Variants in NDUFA10 observed in about 807,000 individuals in gnomAD.
NDUFA10 encodes the protein NADH:ubiquinone oxidoreductase subunit A10.
In NDUFA10, 40 loss-of-function variants were observed where a neutral mutation model predicts 47.8. That is an observed-to-expected ratio of 0.84 (90% CI 0.65 to 1.09). The LOEUF (loss-of-function observed/expected upper bound fraction) is 1.09, where lower values mean the gene tolerates loss of function less well. Ranked by LOEUF, NDUFA10 falls within the 50% of genes least tolerant of loss-of-function variation. The pLI, the probability that NDUFA10 is intolerant of heterozygous loss-of-function variation, is 0.00. For synonymous variants in NDUFA10, 183 were observed against 172.2 expected (o/e 1.06, Z -0.49); for missense variants, 413 against 451.1 (o/e 0.92, Z 0.76).
At chr2:239,969,625 G>A in intron 9 of NDUFA10, 2 of 470,988 alleles carry the variant, frequency 4.2e-6, no homozygotes, top group Non-Finnish European at 8.8e-6. Flanking sequence ...CTTTCTTCCT[G>A]TCTCTTGTCA....
At chr2:239,916,336 C>G (rs530650295) in intron 4 of NDUFA10, among the ~76,000 whole-genome samples, 3 of 150,786 alleles carry the variant, frequency 2.0e-5, no homozygotes, top group Non-Finnish European at 2.9e-5. Flanking sequence ...TACACACATG[C>G]ACAGAACACA....
chr2:240,008,220 G>A (rs555943358), intron 6 of NDUFA10, among the ~76,000 whole-genome samples: 36 of 152,232 alleles, frequency 2.4e-4, no homozygotes, highest in Non-Finnish European at 4.9e-4. Context: ...TTCCACACAA[G>A]TCTATAACTC....
chr2:240,011,801 C>G, intron 5 of NDUFA10, 105 bp from the exon 6 acceptor site: 1 of 985,612 alleles, frequency 1.0e-6, no homozygotes, highest in Non-Finnish European at 1.6e-6. Context: ...CATTTTCTTA[C>G]AACTCACACC....
intron 4 of NDUFA10, among the ~76,000 whole-genome samples, chr2:239,905,367 A>G (rs76627750): frequency 0.032 from 4,853 of 152,300 alleles, 241 homozygotes; most frequent in African/African-American, 0.1. Context: ...TCTAGGTTCC[A>G]GGGATTTCCA....
intron 9 of NDUFA10, among the ~76,000 whole-genome samples, chr2:239,962,210 TACACACACAC>T (rs59356951): frequency 2.7e-5 from 4 of 149,544 alleles, no homozygotes; most frequent in Non-Finnish European, 4.5e-5. Context: ...TCAATTTGTG[TACACACACAC>T]ACACACACAC....
chr2:239,894,458 C>T (rs1574758140), intron 5 of NDUFA10, among the ~76,000 whole-genome samples: 2 of 150,816 alleles, frequency 1.3e-5, no homozygotes, highest in South Asian at 4.2e-4. Flanking sequence ...AGGATGAGAG[C>T]CTTGCAAGTT....
intron 8 of NDUFA10, among the ~76,000 whole-genome samples, chr2:239,990,421 A>G (rs1356451668): frequency 2.6e-5 from 4 of 152,250 alleles, no homozygotes; most frequent in Admixed American, 2.6e-4. Context: ...TAAAAGCCTC[A>G]GTACCTACAT....
At chr2:240,014,687 T>G (rs566271718) in intron 5 of NDUFA10, 52 bp downstream of exon 5, 1 of 1,613,050 alleles carries the variant, frequency 6.2e-7, no homozygotes, top group African/African-American at 1.3e-5. Context: ...CTTTTAGTGC[T>G]GATCTACATT....
chr2:239,909,399 T>C (rs532588400), intron 4 of NDUFA10, among the ~76,000 whole-genome samples: 1 of 152,052 alleles, frequency 6.6e-6, no homozygotes, highest in African/African-American at 2.4e-5. Flanking sequence ...GATCACGAGG[T>C]CAGGAGTTCG....
chr2:239,904,655 G>T (rs948540899), intron 4 of NDUFA10, among the ~76,000 whole-genome samples: 7 of 152,184 alleles, frequency 4.6e-5, no homozygotes, highest in African/African-American at 1.4e-4. Context: ...TAGGCACGGT[G>T]CCCTCAGACC....
chr2:239,964,070 G>A (rs1694962964), intron 9 of NDUFA10, among the ~76,000 whole-genome samples: 1 of 152,216 alleles, frequency 6.6e-6, no homozygotes, highest in Non-Finnish European at 1.5e-5. Flanking sequence ...GTCTATGCCT[G>A]CACGCCCATG....
At chr2:239,961,261 A>G in intron 9 of NDUFA10, 75 bp from the exon 10 acceptor site, 1 of 1,608,852 alleles carries the variant, frequency 6.2e-7, no homozygotes, top group South Asian at 1.1e-5. Context: ...TTCAATGTCT[A>G]CCCGGCAGAT....
chr2:239,975,779 G>A (rs1042163303), intron 9 of NDUFA10, among the ~76,000 whole-genome samples: 8 of 151,754 alleles, frequency 5.3e-5, no homozygotes, highest in African/African-American at 1.2e-4. Flanking sequence ...TCCCCACCTC[G>A]CAGGCCATGG....
chr2:239,967,979 T>TACACACACACACACACACAC (rs61166045), intron 9 of NDUFA10, among the ~76,000 whole-genome samples: 12 of 147,468 alleles, frequency 8.1e-5, no homozygotes, highest in African/African-American at 1.3e-4. Flanking sequence ...GAAAAAAATA[T>TACACACACACACACACACAC]ACACACACAC....
intron 4 of NDUFA10, among the ~76,000 whole-genome samples, chr2:239,935,623 G>A (rs892384086): frequency 4.6e-5 from 7 of 152,338 alleles, no homozygotes; most frequent in East Asian, 1.9e-4. Context: ...ATCTGGAATT[G>A]TAGCTCCCAT....
intron 9 of NDUFA10, among the ~76,000 whole-genome samples, chr2:239,974,802 C>G (rs930878832): frequency 6.6e-6 from 1 of 150,954 alleles, no homozygotes; most frequent in Non-Finnish European, 1.5e-5. Context: ...ATGTGACACT[C>G]TGCCACCAAA....
At chr2:239,993,028 T>C (rs1240030209) in intron 8 of NDUFA10, among the ~76,000 whole-genome samples, 4 of 152,080 alleles carry the variant, frequency 2.6e-5, no homozygotes, top group South Asian at 2.1e-4. Context: ...TGAAACATCT[T>C]TGGGGAGGAA....
chr2:239,938,410 G>A (rs1309184348), intron 4 of NDUFA10, among the ~76,000 whole-genome samples: 2 of 152,198 alleles, frequency 1.3e-5, no homozygotes, highest in Admixed American at 1.3e-4. Flanking sequence ...CGACACACAC[G>A]GGGTTTATGC....
intron 4 of NDUFA10, chr2:240,017,759 C>A: frequency 1.4e-6 from 2 of 1,422,456 alleles, no homozygotes; most frequent in South Asian, 1.2e-5. Context: ...GGAGTACCGG[C>A]AACACCAGGA....
Sources: gnomAD v4.1 joint callset for allele counts (sites outside exome capture counted in the v4.1 genomes callset) on GRCh38, gnomAD v4.1.1 for gene constraint, MANE v1.5 for transcripts, NCBI Gene and HGNC (gene_info 2026-07-23, HGNC 2026-07-21) for gene names.